NFIX: variants seen among roughly 807,000 people sequenced by gnomAD.
NFIX encodes nuclear factor I X, also known as nuclear factor 1 X-type.
Under a neutral mutation model 53.3 loss-of-function variants are expected in NFIX, and 2 were observed. That is an observed-to-expected ratio of 0.04 (90% CI 0.02 to 0.12). NFIX has a LOEUF of 0.12. Ranked by LOEUF, NFIX falls within the 10% of genes least tolerant of loss-of-function variation. NFIX has a pLI of 1.00. For missense variants in NFIX, 310 were observed against 674.5 expected (o/e 0.46, Z 5.99); for synonymous variants, 244 against 289.0 (o/e 0.84, Z 1.58).
Position 13,087,834 on chromosome 19 carries a change from C to T in NFIX, c.1255-155C>T, listed in dbSNP as rs1011437740. On this transcript the variant is annotated intron_variant, in intron 8 of 10. Transcript: ENST00000592199. ...TGAGAGACCAAATAGAGGCCTTACA[C>T]CCTCACCCATCCTGTGCCCTGGAGG... 1.7e-4 allele frequency among the ~76,000 whole-genome samples: 24 copies of T among 145,190 alleles called. No homozygotes were observed. In the Admixed American group the frequency reaches 1.7e-3, roughly 10 times the overall value.
At position 13,078,971 on chromosome 19, in the gene NFIX, TCTCA is replaced by T. The variant is rs1339981570; in HGVS notation, c.1078+240_1078+243del. On this transcript the variant is annotated intron_variant, in intron 7 of 10. Coordinates refer to ENST00000592199, the MANE Select transcript of NFIX (RefSeq NM_001365902.3). This position sits in a 1 kb window ranked among gnomAD's most constrained non-coding sequence, Gnocchi z 4.7. ...CCTGGCTCCTGAGCAACCTCCCACT[TCTCA>T]CTCCTCACGTGCATGGGTGCTACAT... Among the ~76,000 whole-genome samples the T allele has an allele frequency of 6.6e-6, 1 of 152,152 alleles. No homozygotes were observed. The highest frequency in any genetic ancestry group is 1.5e-5 in the Non-Finnish European group (1 of 68,002).
At position 13,040,470 on chromosome 19, in the gene NFIX, G is replaced by A. The variant is rs997809265; in HGVS notation, c.559+14918G>A. Among the ~76,000 whole-genome samples, 1 of 152,224 alleles carries A rather than the reference G, an allele frequency of 6.6e-6. No individual in the cohort carries two copies. The highest frequency in any genetic ancestry group is 6.5e-5 in the Admixed American group (1 of 15,280). On this transcript the variant is annotated intron_variant, in intron 2 of 10. Coordinates refer to ENST00000592199, the MANE Select transcript of NFIX (RefSeq NM_001365902.3). This position sits in a 1 kb window ranked among gnomAD's most constrained non-coding sequence, Gnocchi z 4.2. ...GGTGGATGCCCTGCGGCAGGGATTGGCAGGGATCAGTCCTGGGCCCACTGG... is the reference window on the plus strand; with the variant it reads ...GGTGGATGCCCTGCGGCAGGGATTGACAGGGATCAGTCCTGGGCCCACTGG...
At position 13,012,319 on chromosome 19, in the gene NFIX, A is replaced by T. The variant is rs2012398677; in HGVS notation, c.28-12702A>T. ...GGCTTTCGACCGTTTGTGCCGCCAG[A>T]GTCTTCTCAATGATCCCTCCCAGGC... On this transcript the variant is annotated intron_variant, in intron 1 of 10. Coordinates refer to ENST00000592199, the MANE Select transcript of NFIX (RefSeq NM_001365902.3). The surrounding 1 kb of genome is among the most constrained non-coding windows in gnomAD (Gnocchi z 5.0). 6.6e-6 allele frequency: 1 copy of T among 152,044 alleles called. No individual in the cohort carries two copies. The highest frequency in any genetic ancestry group is 6.5e-5 in the Admixed American group (1 of 15,276). 9.4% of individuals were successfully genotyped at this position (152,044 alleles called of 1,614,324 possible).
chr19:13,097,914 C>T lies in NFIX; in HGVS notation c.*3265C>T, dbSNP rs1486980615. On this transcript the variant is annotated 3_prime_UTR_variant, in exon 11 of 11. Transcript: ENST00000592199. ...AAGGCTCGACGCTCCAGGACAGGAC[C>T]AGCCACGCTGACAGGTCGATTTGCC... 2 of 153,680 alleles carry T rather than the reference C, an allele frequency of 1.3e-5. No homozygotes were observed. Among genetic ancestry groups the T allele is most frequent in the Non-Finnish European group, 2.9e-5 (2 of 69,144 alleles). 9.5% of individuals were successfully genotyped at this position (153,680 alleles called of 1,614,324 possible).
Position 13,024,754 on chromosome 19 carries a change from G to T in NFIX, c.28-267G>T, listed in dbSNP as rs1185381257. The T allele has an allele frequency of 2.6e-6, 4 of 1,523,144 alleles. No homozygotes were observed. The African/African-American group carries it at 5.5e-5, about 21-fold the overall frequency. The allele number at this position is 1,523,144 out of a possible 1,614,324, so 94.4% of individuals were successfully genotyped here. A position where few individuals can be genotyped will look rare whatever the true frequency, so the allele number is the denominator to read the frequency against. ...TGAGGGAGAGAGAGAGAGAATAGGTGTGTGTAGAGGCTCCCGGTGCCTCTG... is the reference window on the plus strand; with the variant it reads ...TGAGGGAGAGAGAGAGAGAATAGGTTTGTGTAGAGGCTCCCGGTGCCTCTG... On this transcript the variant is annotated intron_variant, in intron 1 of 10. Transcript: ENST00000592199.
chr19:13,090,357 C>T lies in NFIX; in HGVS notation c.1461C>T (p.Asp487=), dbSNP rs764163722. 2.5e-6 allele frequency: 4 copies of T among 1,613,954 alleles called. No homozygotes were observed. Among genetic ancestry groups the T allele is most frequent in the South Asian group, 1.1e-5 (1 of 91,088 alleles). The change falls in exon 10 of 11, where the codon GAC becomes GAT. Residue 487 remains aspartate (D), a synonymous_variant. Transcript: ENST00000592199. The surrounding 1 kb of genome is among the most constrained non-coding windows in gnomAD (Gnocchi z 6.6). ...ANRFVSIGPR[D]GNFLNIPQQS... ...GGTTTGTCAGCATCGGACCCCGGGA[C>T]GGCAACTTTCTGAACATCCCACAGC...
At chr19:13,064,654 G>T (rs926092951) in intron 2 of NFIX, among the ~76,000 whole-genome samples, 1 of 152,160 alleles carries the variant, frequency 6.6e-6, no homozygotes, top group Non-Finnish European at 1.5e-5. Context: ...CACTGGCAGT[G>T]GTCCCTGGGT....
intron 1 of NFIX, among the ~76,000 whole-genome samples, chr19:13,019,923 CT>C (rs1484209331): frequency 1.3e-5 from 2 of 149,984 alleles, no homozygotes; most frequent in Non-Finnish European, 2.9e-5. Flanking sequence ...CCTGCTTTTC[CT>C]TTTTTCCCCC....
At chr19:13,091,301 G>A (rs1393634405) in intron 10 of NFIX, among the ~76,000 whole-genome samples, 2 of 150,788 alleles carry the variant, frequency 1.3e-5, no homozygotes, top group Non-Finnish European at 2.9e-5. Context: ...CTCCTGCTCT[G>A]CCTCTGTTCT....
chr19:13,003,436 A>G (rs2011833217), intron 1 of NFIX, among the ~76,000 whole-genome samples: 1 of 152,166 alleles, frequency 6.6e-6, no homozygotes, highest in Non-Finnish European at 1.5e-5. Context: ...AGGCACAGCT[A>G]GAAACACACA....
rs1481030743 is a variant in NFIX at position 13,096,591 on chromosome 19, G to GC, written c.*1946dup. 3 of 152,020 alleles carry GC rather than the reference G, an allele frequency of 2.0e-5. No individual in the cohort carries two copies. The highest frequency in any genetic ancestry group is 4.4e-5 in the Non-Finnish European group (3 of 68,060). 9.4% of individuals were successfully genotyped at this position (152,020 alleles called of 1,614,324 possible). On this transcript the variant is annotated 3_prime_UTR_variant, in exon 11 of 11. Coordinates refer to ENST00000592199, the MANE Select transcript of NFIX (RefSeq NM_001365902.3). Reference sequence around the variant, plus strand: ...AGTCTCCCGGGGCGTGGGGAGTAAGGCCCCGGGGGTGGGGGGCCGGGTGGG... The same window carrying GC: ...AGTCTCCCGGGGCGTGGGGAGTAAGGCCCCCGGGGGTGGGGGGCCGGGTGGG...
chr19:13,087,948 T>C, intron 8 of NFIX, 41 bp from the exon 9 acceptor site: 1 of 1,535,446 alleles, frequency 6.5e-7, no homozygotes, highest in Non-Finnish European at 8.7e-7. Context: ...TGTCTGTGTG[T>C]GATGTGCCTT....
At chr19:13,084,111 G>C (rs1437289332) in intron 8 of NFIX, among the ~76,000 whole-genome samples, 2 of 152,226 alleles carry the variant, frequency 1.3e-5, no homozygotes, top group East Asian at 3.8e-4. Flanking sequence ...TTGAGAATCA[G>C]AAGTCACAGA....
chr19:13,073,577 G>T lies in NFIX; in HGVS notation c.697+81G>T. ...ACCTCATGGGATGTCCTCCTAATGG[G>T]GTCTTAGGGCAGGTGGATGGGAACA... On this transcript the variant is annotated intron_variant, in intron 4 of 10. Transcript: ENST00000592199. This position sits in a 1 kb window ranked among gnomAD's most constrained non-coding sequence, Gnocchi z 4.5. 1.6e-6 allele frequency: 2 copies of T among 1,269,476 alleles called. No homozygotes were observed. The highest frequency in any genetic ancestry group is 2.3e-6 in the Non-Finnish European group (2 of 868,160). The allele number at this position is 1,269,476 out of a possible 1,614,324, so 78.6% of individuals were successfully genotyped here. A position where few individuals can be genotyped will look rare whatever the true frequency, so the allele number is the denominator to read the frequency against.
intron 8 of NFIX, among the ~76,000 whole-genome samples, chr19:13,086,089 T>C (rs2017763231): frequency 6.6e-6 from 1 of 152,222 alleles, no homozygotes; most frequent in Admixed American, 6.5e-5. Context: ...AAATAGTCTT[T>C]CATACAGAGA....
chr19:13,061,802 A>G (rs887117055), intron 2 of NFIX, among the ~76,000 whole-genome samples: 1 of 152,180 alleles, frequency 6.6e-6, no homozygotes, highest in African/African-American at 2.4e-5. Context: ...ATATGTTAAA[A>G]AAAAATCTGT....
At position 13,067,782 on chromosome 19, in the gene NFIX, A is replaced by G. The variant is rs1368912820; in HGVS notation, c.560-5265A>G. On this transcript the variant is annotated intron_variant, in intron 2 of 10. Coordinates refer to ENST00000592199, the MANE Select transcript of NFIX (RefSeq NM_001365902.3). This position sits in a 1 kb window ranked among gnomAD's most constrained non-coding sequence, Gnocchi z 4.2. ...TAGTGGGAGCCATAACTACCTCCCC[A>G]TCTGTAGGTGGAAAATATATATATA... Among the ~76,000 whole-genome samples, 1 of 151,782 alleles carries G rather than the reference A, an allele frequency of 6.6e-6. No homozygotes were observed. Among genetic ancestry groups the G allele is most frequent in the East Asian group, 1.9e-4 (1 of 5,184 alleles).
At position 13,096,318 on chromosome 19, in the gene NFIX, T is replaced by G. The variant is rs1467810319; in HGVS notation, c.*1669T>G. Reference sequence around the variant, plus strand: ...GGTGGGCTATGGGCTGTATTTATTGTGAATCTAGTTTGTGAGGCTGTGGCC... The same window carrying G: ...GGTGGGCTATGGGCTGTATTTATTGGGAATCTAGTTTGTGAGGCTGTGGCC... On this transcript the variant is annotated 3_prime_UTR_variant, in exon 11 of 11. Transcript: ENST00000592199. 2.0e-5 allele frequency: 3 copies of G among 152,454 alleles called. No individual in the cohort carries two copies. The highest frequency in any genetic ancestry group is 7.2e-5 in the African/African-American group (3 of 41,382). 9.4% of individuals were successfully genotyped at this position (152,454 alleles called of 1,614,324 possible). A position where few individuals can be genotyped will look rare whatever the true frequency, so the allele number is the denominator to read the frequency against.
Position 13,051,945 on chromosome 19 carries a change from C to T in NFIX, c.560-21102C>T, listed in dbSNP as rs549119862. On this transcript the variant is annotated intron_variant, in intron 2 of 10. Transcript: ENST00000592199. The surrounding 1 kb of genome is among the most constrained non-coding windows in gnomAD (Gnocchi z 5.1). ...CTCACAGCGCCCGCCTTCTCCGCTC[C>T]GGCTTCATGCTCTCCAGGTTTCTCC... 1.2e-4 allele frequency among the ~76,000 whole-genome samples: 19 copies of T among 152,290 alleles called. No homozygotes were observed. The highest frequency in any genetic ancestry group is 2.4e-4 in the Non-Finnish European group (16 of 68,018).
Sources: gnomAD v4.1 joint callset for allele counts (sites outside exome capture counted in the v4.1 genomes callset) on GRCh38, gnomAD v4.1.1 for gene constraint, Gnocchi (gnomAD v3.1) non-coding constraint, MANE v1.5 for transcripts, NCBI Gene and HGNC (gene_info 2026-07-23, HGNC 2026-07-21) for gene names.